REPS2: variants seen among roughly 807,000 people sequenced by gnomAD.
REPS2 encodes RALBP1 associated Eps domain containing 2, also known as ralBP1-associated Eps domain-containing protein 2.
A neutral mutation model predicts 53.6 loss-of-function variants in REPS2; 23 were observed. The observed-to-expected ratio is 0.43, with a 90% CI of 0.31 to 0.61. The LOEUF (loss-of-function observed/expected upper bound fraction) is 0.61. Ranked by LOEUF, REPS2 falls within the 20% of genes least tolerant of loss-of-function variation. REPS2 has a pLI of 0.11. For missense variants in REPS2, 446 were observed against 534.9 expected, an observed-to-expected ratio of 0.83 and a Z score of 1.64; for synonymous variants, 238 against 218.6, an observed-to-expected ratio of 1.09 and a Z score of -0.78.
At chrX:17,182,617 G>A in the REPS2 span, among the ~76,000 whole-genome samples, 1 of 111,891 alleles carries the variant, frequency 8.9e-6, no homozygotes, top group African/African-American at 3.2e-5. Context: ...CAGAAAATTA[G>A]GAAGGGAGTG....
chrX:17,063,807 ATG>A (rs747655345), intron 9 of REPS2, among the ~76,000 whole-genome samples: 9 of 107,478 alleles, frequency 8.4e-5, no homozygotes, highest in Non-Finnish European at 9.7e-5. Flanking sequence ...CTCTCTGACT[ATG>A]TGTGTGTGTG....
chrX:17,160,527 T>C, the REPS2 span, among the ~76,000 whole-genome samples: 12 of 112,800 alleles, frequency 1.1e-4, no homozygotes, highest in Non-Finnish European at 1.9e-4. Context: ...TCTTAAGAAT[T>C]GTATACTAAT....
At chrX:17,081,866 A>C (rs182655814) in intron 13 of REPS2, among the ~76,000 whole-genome samples, 1 of 112,256 alleles carries the variant, frequency 8.9e-6, no homozygotes, top group African/African-American at 3.2e-5. Flanking sequence ...TGCAAAACCT[A>C]GAGGCAGTCA....
intron 1 of REPS2, among the ~76,000 whole-genome samples, chrX:16,998,739 T>C (rs1272704319): frequency 8.9e-6 from 1 of 112,140 alleles, no homozygotes; most frequent in African/African-American, 3.2e-5. Flanking sequence ...GGAAGCCACC[T>C]GTGCTGCTGC....
intron 1 of REPS2, among the ~76,000 whole-genome samples, chrX:16,963,261 C>T (rs772908102): frequency 1.8e-5 from 2 of 112,145 alleles, no homozygotes; most frequent in East Asian, 2.8e-4. Flanking sequence ...GAGCAAACCA[C>T]GCCTTAAAAA....
At chrX:17,121,517 G>A (rs1480313013) in intron 14 of REPS2, among the ~76,000 whole-genome samples, 1 of 112,015 alleles carries the variant, frequency 8.9e-6, no homozygotes, top group Non-Finnish European at 1.9e-5. Context: ...GGCAACAAGA[G>A]CTTTTTTTCT....
At chrX:17,167,107 T>C in the REPS2 span, among the ~76,000 whole-genome samples, 1 of 111,741 alleles carries the variant, frequency 8.9e-6, no homozygotes, top group Non-Finnish European at 1.9e-5. Context: ...GATTTAATTT[T>C]CTCTATCTCT....
chrX:16,977,279 T>C lies in REPS2; in HGVS notation c.274-28942T>C, dbSNP rs185023737. 3.1e-3 allele frequency among the ~76,000 whole-genome samples: 343 copies of C among 109,550 alleles called. 2 individuals carry two copies. The highest frequency in any genetic ancestry group is 0.011 in the African/African-American group (318 of 28,995). Reference sequence around the variant, plus strand: ...AGAAGTGAGGCTCTCCACTTCATGTTGAAACTAACTTCTGCCTGAGTATTA... The same window carrying C: ...AGAAGTGAGGCTCTCCACTTCATGTCGAAACTAACTTCTGCCTGAGTATTA... On this transcript the variant is annotated intron_variant, in intron 1 of 17. Transcript: ENST00000357277.
At chrX:17,127,769 C>T (rs958754917) in intron 14 of REPS2, among the ~76,000 whole-genome samples, 2 of 112,015 alleles carry the variant, frequency 1.8e-5, no homozygotes, top group African/African-American at 3.2e-5. Context: ...TACGAACTCA[C>T]AGTCTCTTTG....
chrX:17,005,473 C>T (rs1016087052), intron 1 of REPS2, among the ~76,000 whole-genome samples: 4 of 111,697 alleles, frequency 3.6e-5, no homozygotes, highest in African/African-American at 1.3e-4. Flanking sequence ...CACCTCCTCC[C>T]TTCCCCCTTT....
chrX:17,034,030 G>C (rs754576303), intron 5 of REPS2, among the ~76,000 whole-genome samples: 1 of 111,505 alleles, frequency 9.0e-6, no homozygotes, highest in Non-Finnish European at 1.9e-5. Flanking sequence ...AACGTGAAAC[G>C]TAAGTGTTTT....
intron 12 of REPS2, among the ~76,000 whole-genome samples, chrX:17,075,967 A>G (rs905445123): frequency 4.5e-5 from 5 of 111,798 alleles, no homozygotes; most frequent in African/African-American, 1.3e-4. Flanking sequence ...GAGCCAGAGC[A>G]TTCTTCCCTG....
At chrX:17,077,467 T>C (rs1341444205) in intron 13 of REPS2, 60 bp downstream of exon 13, 2 of 1,090,368 alleles carry the variant, frequency 1.8e-6, no homozygotes, top group African/African-American at 3.7e-5. Context: ...CGGATGTGTG[T>C]CTGCCACAGT....
chrX:16,991,639 G>A (rs1336747105), intron 1 of REPS2, among the ~76,000 whole-genome samples: 2 of 110,867 alleles, frequency 1.8e-5, no homozygotes, highest in South Asian at 3.8e-4. Context: ...AGGTTATACC[G>A]GAGTAGGGTG....
At chrX:17,184,042 T>A in the REPS2 span, among the ~76,000 whole-genome samples, 14 of 110,910 alleles carry the variant, frequency 1.3e-4, no homozygotes, top group African/African-American at 1.6e-4. Flanking sequence ...TTTTTTTTTT[T>A]TATACTTTAA....
intron 2 of REPS2, among the ~76,000 whole-genome samples, chrX:17,013,496 T>A (rs889992714): frequency 1.8e-5 from 2 of 111,252 alleles, no homozygotes; most frequent in African/African-American, 3.3e-5. Context: ...TGACAAACCC[T>A]CCCTATCTCT....
At chrX:17,175,215 G>T in the REPS2 span, among the ~76,000 whole-genome samples, 1 of 112,055 alleles carries the variant, frequency 8.9e-6, no homozygotes, top group South Asian at 3.7e-4. Context: ...GGGAAACGGT[G>T]GTGTAGAGAA....
At chrX:17,069,063 C>T (rs2062266160) in intron 10 of REPS2, among the ~76,000 whole-genome samples, 1 of 111,704 alleles carries the variant, frequency 9.0e-6, no homozygotes, top group Admixed American at 9.5e-5. Flanking sequence ...CCCTCTCCCC[C>T]ACCTCCTATA....
intron 13 of REPS2, among the ~76,000 whole-genome samples, chrX:17,081,229 T>C (rs1172261687): frequency 9.0e-6 from 1 of 111,571 alleles, no homozygotes; most frequent in Admixed American, 9.5e-5. Context: ...CAGAGTGGCT[T>C]AAAGTGGAGT....
Sources: gnomAD v4.1 joint callset for allele counts (sites outside exome capture counted in the v4.1 genomes callset) on GRCh38, gnomAD v4.1.1 for gene constraint, MANE v1.5 for transcripts, NCBI Gene and HGNC (gene_info 2026-07-23, HGNC 2026-07-21) for gene names.